The following FAM107B variants were observed in gnomAD, a reference collection of about 807,000 sequenced individuals.
The protein encoded by FAM107B is family with sequence similarity 107 member B, also known as protein FAM107B.
In FAM107B, 21 loss-of-function variants were observed where a neutral mutation model predicts 31.5. The ratio of observed to expected loss-of-function variants is 0.67; its 90% confidence interval spans 0.47 to 0.96. The LOEUF (loss-of-function observed/expected upper bound fraction) is 0.96, where lower values mean the gene tolerates loss of function less well. FAM107B is among the 40% of genes least tolerant of loss of function. The pLI is 0.00. For missense variants in FAM107B, 452 were observed against 377.1 expected (o/e 1.20, Z -1.64); for synonymous variants, 157 against 141.5 (o/e 1.11, Z -0.78).
At chr10:14,545,001 T>C (rs1848565478) in intron 2 of FAM107B, among the ~76,000 whole-genome samples, 1 of 152,186 alleles carries the variant, frequency 6.6e-6, no homozygotes, top group African/African-American at 2.4e-5. Flanking sequence ...ATTAGTTAAA[T>C]GCAAATATCG....
chr10:14,524,874 G>T (rs1440651483), intron 3 of FAM107B, among the ~76,000 whole-genome samples: 1 of 152,132 alleles, frequency 6.6e-6, no homozygotes, highest in Non-Finnish European at 1.5e-5. Context: ...GACACATTTG[G>T]CTGACACTCT....
intron 1 of FAM107B, among the ~76,000 whole-genome samples, chr10:14,668,172 G>A (rs1854455192): frequency 6.6e-6 from 1 of 152,070 alleles, no homozygotes; most frequent in Non-Finnish European, 1.5e-5. Flanking sequence ...CTCCTAAGTA[G>A]CTAGGATTAC....
At position 14,520,933 on chromosome 10, in the gene FAM107B, G is replaced by T; in HGVS notation, c.*257C>A. 1 of 372,586 alleles carries T rather than the reference G, an allele frequency of 2.7e-6. No homozygotes were observed. The highest frequency in any genetic ancestry group is 4.8e-6 in the Non-Finnish European group (1 of 210,054). The allele number at this position is 372,586 out of a possible 1,614,324, so 23.1% of individuals were successfully genotyped here. ...CCTGTTCTCACTTGTTTTGCTTGTTGGTTCTGTTAAGTCTCTGAACACAGG... is the reference window on the plus strand; with the variant it reads ...CCTGTTCTCACTTGTTTTGCTTGTTTGTTCTGTTAAGTCTCTGAACACAGG... On this transcript the variant is annotated 3_prime_UTR_variant, in exon 5 of 5. Transcript: ENST00000181796.
chr10:14,709,843 T>G (rs1235865541), intron 1 of FAM107B, among the ~76,000 whole-genome samples: 2 of 152,198 alleles, frequency 1.3e-5, no homozygotes, highest in Non-Finnish European at 2.9e-5. Flanking sequence ...TACTATATGA[T>G]TCCAAATATA....
At chr10:14,758,199 G>T (rs1274872562) in intron 1 of FAM107B, among the ~76,000 whole-genome samples, 2 of 152,110 alleles carry the variant, frequency 1.3e-5, no homozygotes, top group Non-Finnish European at 2.9e-5. Flanking sequence ...ACTTTGTTCT[G>T]CCCCTGACTT....
chr10:14,651,556 C>T (rs565805856), intron 2 of FAM107B, among the ~76,000 whole-genome samples: 145 of 152,246 alleles, frequency 9.5e-4, no homozygotes, highest in Middle Eastern at 3.4e-3. Context: ...GAGCTGGGAT[C>T]GCGCCATTGC....
At chr10:14,660,218 A>G (rs1189775114) in intron 2 of FAM107B, among the ~76,000 whole-genome samples, 2 of 152,230 alleles carry the variant, frequency 1.3e-5, no homozygotes, top group Non-Finnish European at 2.9e-5. Context: ...CTAAAAGAGA[A>G]TGAGGATTCC....
intron 3 of FAM107B, among the ~76,000 whole-genome samples, chr10:14,526,314 C>T (rs1054817698): frequency 6.6e-6 from 1 of 152,206 alleles, no homozygotes; most frequent in Non-Finnish European, 1.5e-5. Flanking sequence ...GCTGGGACTA[C>T]AGGCGCGTGC....
chr10:14,628,522 TG>T (rs1162018149), intron 2 of FAM107B, among the ~76,000 whole-genome samples: 1 of 152,168 alleles, frequency 6.6e-6, no homozygotes, highest in African/African-American at 2.4e-5. Context: ...CCAACTTCCT[TG>T]GGAAGTATTT....
chr10:14,552,848 G>T (rs548311632), intron 2 of FAM107B, among the ~76,000 whole-genome samples: 1 of 151,864 alleles, frequency 6.6e-6, no homozygotes, highest in East Asian at 1.9e-4. Flanking sequence ...ATTTCACTTC[G>T]TTGTAATGCT....
At chr10:14,533,545 C>T (rs565419333) in intron 2 of FAM107B, among the ~76,000 whole-genome samples, 3 of 152,350 alleles carry the variant, frequency 2.0e-5, no homozygotes, top group Admixed American at 1.3e-4. Context: ...GACTCGCTCT[C>T]GTTTACCTGA....
intron 1 of FAM107B, among the ~76,000 whole-genome samples, chr10:14,744,809 A>G (rs1832692230): frequency 6.6e-6 from 1 of 151,660 alleles, no homozygotes; most frequent in Non-Finnish European, 1.5e-5. Context: ...GAAGTTTTCA[A>G]TTGTTTGGAA....
At chr10:14,712,560 C>G (rs1855675509) in intron 1 of FAM107B, among the ~76,000 whole-genome samples, 1 of 150,640 alleles carries the variant, frequency 6.6e-6, no homozygotes, top group Non-Finnish European at 1.5e-5. Flanking sequence ...CGTCACTGCA[C>G]TCCAGCCTGG....
At chr10:14,759,880 T>G (rs1396909725) in intron 1 of FAM107B, among the ~76,000 whole-genome samples, 2 of 152,032 alleles carry the variant, frequency 1.3e-5, no homozygotes, top group Non-Finnish European at 2.9e-5. Flanking sequence ...TCCGGCTAAC[T>G]TATGTATTTT....
At chr10:14,684,798 TTTCAC>T (rs112276466) in intron 1 of FAM107B, among the ~76,000 whole-genome samples, 2,801 of 150,876 alleles carry the variant, frequency 0.019, 77 homozygotes, top group African/African-American at 0.061. Flanking sequence ...GATGATTTCC[TTTCAC>T]TTCTTCAGTG....
intron 1 of FAM107B, among the ~76,000 whole-genome samples, chr10:14,719,747 C>T (rs1049698593): frequency 6.6e-6 from 1 of 152,216 alleles, no homozygotes; most frequent in Non-Finnish European, 1.5e-5. Flanking sequence ...GGTTCCTCCT[C>T]CTGCCAGGTG....
intron 1 of FAM107B, among the ~76,000 whole-genome samples, chr10:14,678,632 CTGTT>C (rs1015837828): frequency 5.9e-5 from 9 of 151,836 alleles, no homozygotes; most frequent in Admixed American, 1.3e-4. Context: ...TCTCCTCTCT[CTGTT>C]TGTCTCCCTT....
intron 1 of FAM107B, among the ~76,000 whole-genome samples, chr10:14,761,011 CAA>C (rs565835423): frequency 0.019 from 1,462 of 77,598 alleles, 5 homozygotes; most frequent in African/African-American, 0.059. Flanking sequence ...GACTCCGTTT[CAA>C]AAAAAAAAAA....
chr10:14,615,020 T>G (rs1300729251), intron 2 of FAM107B, among the ~76,000 whole-genome samples: 2 of 152,110 alleles, frequency 1.3e-5, no homozygotes, highest in Admixed American at 1.3e-4. Flanking sequence ...TTTCACTGTT[T>G]TGCTTGTTTT....
Sources: allele counts gnomAD v4.1 joint callset (sites outside exome capture counted in the v4.1 genomes callset), GRCh38; gene constraint gnomAD v4.1.1; transcripts MANE v1.5; gene names NCBI Gene and HGNC (gene_info 2026-07-23, HGNC 2026-07-21).